Variants in DENND5A observed in about 807,000 individuals in gnomAD.
DENND5A encodes the protein DENN domain-containing protein 5A.
In DENND5A, 64 loss-of-function variants were observed where a neutral mutation model predicts 140.3. The ratio of observed to expected loss-of-function variants is 0.46; its 90% confidence interval spans 0.37 to 0.56. The LOEUF (loss-of-function observed/expected upper bound fraction) is 0.56. Ranked by LOEUF, DENND5A falls within the 20% of genes least tolerant of loss-of-function variation. DENND5A has a pLI of 0.00. For synonymous variants in DENND5A, 605 were observed against 607.7 expected (o/e 1.00, Z 0.07); for missense variants, 1,292 against 1,593.8 (o/e 0.81, Z 3.22).
chr11:9,205,710 G>C (rs1019040721), intron 3 of DENND5A, among the ~76,000 whole-genome samples: 1 of 152,100 alleles, frequency 6.6e-6, no homozygotes, highest in African/African-American at 2.4e-5. Flanking sequence ...CTGGACAACA[G>C]AGCAAAACAC....
At chr11:9,239,716 C>T (rs1851155334) in intron 1 of DENND5A, among the ~76,000 whole-genome samples, 1 of 152,234 alleles carries the variant, frequency 6.6e-6, no homozygotes, top group Non-Finnish European at 1.5e-5. Flanking sequence ...CCTGCCTCTG[C>T]CTCCCAAAGT....
chr11:9,216,388 G>A (rs947442135), intron 1 of DENND5A, among the ~76,000 whole-genome samples: 2 of 152,128 alleles, frequency 1.3e-5, no homozygotes, highest in Non-Finnish European at 2.9e-5. Context: ...CCAAAACCTT[G>A]CTAAAACAAT....
chr11:9,173,065 T>C (rs1190160314), intron 8 of DENND5A, among the ~76,000 whole-genome samples: 1 of 151,912 alleles, frequency 6.6e-6, no homozygotes, highest in Non-Finnish European at 1.5e-5. Context: ...ACCTCAAGTG[T>C]TCTGCCCACC....
intron 1 of DENND5A, among the ~76,000 whole-genome samples, chr11:9,235,711 A>T (rs1321576309): frequency 6.6e-6 from 1 of 152,036 alleles, no homozygotes; most frequent in Non-Finnish European, 1.5e-5. Context: ...CAGACACAAA[A>T]GCCAAACACA....
At position 9,193,490 on chromosome 11, in the gene DENND5A, T is replaced by C; in HGVS notation, c.1137+4A>G. On this transcript the variant is annotated splice_donor_region_variant and intron_variant, in intron 5 of 22. Coordinates refer to ENST00000328194, the MANE Select transcript of DENND5A (RefSeq NM_015213.4). The stretch of plus-strand genomic sequence containing the variant: ...GCCAGAGGCACCAACACTCAAGATC[T>C]CACCTCTTGAGGCAGCTCCAGCTTT... The C allele has an allele frequency of 6.3e-7, 1 of 1,594,544 alleles. No individual in the cohort carries two copies. Among genetic ancestry groups the C allele is most frequent in the Non-Finnish European group, 8.5e-7 (1 of 1,171,310 alleles).
intron 6 of DENND5A, among the ~76,000 whole-genome samples, chr11:9,179,691 G>T (rs191976760): frequency 6.6e-6 from 1 of 151,954 alleles, no homozygotes; most frequent in African/African-American, 2.4e-5. Context: ...TAGAGACGGG[G>T]TGTCTCCATG....
Position 9,204,314 on chromosome 11 carries a change from A to G in DENND5A, c.295T>C (p.Cys99Arg), listed in dbSNP as rs2136212567. ...TTGAATGCCAGCCCTTTCGGCATAC[A>G]TAGCTGCAAAAGACAACAAGGCAAC... ...PFDQDAVGML[C>R]MPKGLAFKTQ... The change falls in exon 4 of 23, where the codon TGT becomes CGT. Residue 99 changes from cysteine to arginine, a missense_variant. Around this residue, in one of 4 missense-constraint regions of DENND5A, gnomAD observed 566 missense variants for 650.4 expected, o/e 0.87. Transcript: ENST00000328194. The G allele has an allele frequency of 1.2e-6, 2 of 1,607,836 alleles. No homozygotes were observed. The highest frequency in any genetic ancestry group is 8.5e-7 in the Non-Finnish European group (1 of 1,179,264).
chr11:9,234,084 A>G (rs1850893578), intron 1 of DENND5A, among the ~76,000 whole-genome samples: 1 of 151,922 alleles, frequency 6.6e-6, no homozygotes, highest in African/African-American at 2.4e-5. Context: ...AGGCTGAGGC[A>G]GGAGAATGGC....
At chr11:9,239,653 G>A (rs1050485033) in intron 1 of DENND5A, among the ~76,000 whole-genome samples, 2 of 152,112 alleles carry the variant, frequency 1.3e-5, no homozygotes, top group East Asian at 1.9e-4. Context: ...GTAGAGACGA[G>A]GTCTTGCTAT....
chr11:9,201,626 C>T (rs1287269120), intron 4 of DENND5A, among the ~76,000 whole-genome samples: 3 of 152,038 alleles, frequency 2.0e-5, no homozygotes, highest in Admixed American at 2.0e-4. Context: ...GCCATGAAGG[C>T]ACCACTTAAC....
chr11:9,142,013 T>C lies in DENND5A; in HGVS notation c.3607A>G (p.Thr1203Ala), dbSNP rs1419410432. 1 of 1,606,908 alleles carries C rather than the reference T, an allele frequency of 6.2e-7. No individual in the cohort carries two copies. The highest frequency in any genetic ancestry group is 8.5e-7 in the Non-Finnish European group (1 of 1,177,026). Residue 1203 changes from threonine to alanine, a missense_variant, in exon 22 of 23, where the codon ACT (threonine) becomes GCT (alanine). Coordinates refer to ENST00000328194, the MANE Select transcript of DENND5A (RefSeq NM_015213.4). ...TTCCGGGGAGTATTGTTGATTGCAG[T>C]GACAAATCGGCAGAAGTTCCGGGCT... is the stretch of plus-strand genomic sequence containing the variant. Reference protein sequence around the residue: ...TRARNFCRFVTAINNTPRNIG... With the variant: ...TRARNFCRFVAAINNTPRNIG...
chr11:9,229,244 C>T (rs138223405), intron 1 of DENND5A, among the ~76,000 whole-genome samples: 77 of 152,238 alleles, frequency 5.1e-4, no homozygotes, highest in Non-Finnish European at 9.1e-4. Context: ...TGAGCCACTG[C>T]GCCTGGCCCA....
intron 6 of DENND5A, among the ~76,000 whole-genome samples, chr11:9,179,890 A>T (rs553469609): frequency 6.6e-6 from 1 of 152,336 alleles, no homozygotes; most frequent in Non-Finnish European, 1.5e-5. Context: ...GCAAAAAAAA[A>T]ATCTGCTCCA....
chr11:9,177,634 T>C lies in DENND5A; in HGVS notation c.1906+498A>G, dbSNP rs139683815. ...TCACACCACTGCATTTTAGCCTGGG[T>C]GACAGAGAGAGACCCTGTCACACAG... On this transcript the variant is annotated intron_variant, in intron 8 of 22. Coordinates refer to ENST00000328194, the MANE Select transcript of DENND5A (RefSeq NM_015213.4). 2.3e-3 allele frequency among the ~76,000 whole-genome samples: 340 copies of C among 149,310 alleles called. 3 individuals are homozygous for C. Among genetic ancestry groups the C allele is most frequent in the African/African-American group, 8.2e-3 (332 of 40,454 alleles).
At chr11:9,156,271 T>C (rs1484545242) in intron 12 of DENND5A, among the ~76,000 whole-genome samples, 2 of 152,108 alleles carry the variant, frequency 1.3e-5, no homozygotes, top group Admixed American at 6.5e-5. Context: ...CTGGTGACAC[T>C]GTCACTGCTT....
intron 4 of DENND5A, among the ~76,000 whole-genome samples, chr11:9,193,989 T>C (rs1849230819): frequency 1.3e-5 from 2 of 152,176 alleles, no homozygotes; most frequent in African/African-American, 4.8e-5. Context: ...GAATGTTAAG[T>C]AGATCCTCTT....
At chr11:9,142,307 C>T (rs1847272569) in intron 21 of DENND5A, among the ~76,000 whole-genome samples, 199 bp from the exon 22 acceptor site, 1 of 152,102 alleles carries the variant, frequency 6.6e-6, no homozygotes. Flanking sequence ...ATGTATGTGG[C>T]CCTTGATATA....
At chr11:9,175,662 G>C (rs1741722415) in intron 8 of DENND5A, 1 of 152,122 alleles carries the variant, frequency 6.6e-6, no homozygotes, top group Admixed American at 6.5e-5. Flanking sequence ...AAACAGAACA[G>C]AGAATCCAGA....
intron 15 of DENND5A, 46 bp downstream of exon 15, chr11:9,150,035 C>A (rs1847560570): frequency 6.3e-7 from 1 of 1,577,564 alleles, no homozygotes; most frequent in Non-Finnish European, 8.6e-7. Flanking sequence ...AATCTCTTCC[C>A]TCCATTCCTG....
Sources: gnomAD v4.1 joint callset for allele counts (sites outside exome capture counted in the v4.1 genomes callset) on GRCh38, gnomAD v4.1.1 for gene constraint, gnomAD v4.1.1 regional missense constraint, MANE v1.5 for transcripts, NCBI Gene and HGNC (gene_info 2026-07-23, HGNC 2026-07-21) for gene names.